SRC: variants seen among roughly 807,000 people sequenced by gnomAD.
SRC encodes proto-oncogene tyrosine-protein kinase Src.
In SRC, 13 loss-of-function variants were observed where a neutral mutation model predicts 62.9. The ratio of observed to expected loss-of-function variants is 0.21; its 90% CI spans 0.13 to 0.33. The LOEUF (loss-of-function observed/expected upper bound fraction) is 0.33, where lower values mean the gene tolerates loss of function less well. SRC is among the 10% of genes least tolerant of loss of function. SRC has a pLI of 1.00. For missense variants in SRC, 457 were observed against 737.3 expected (o/e 0.62, Z 4.40); for synonymous variants, 302 against 317.5 (o/e 0.95, Z 0.52).
intron 2 of SRC, among the ~76,000 whole-genome samples, chr20:37,369,997 A>G (rs1258427058): frequency 6.6e-6 from 1 of 152,016 alleles, no homozygotes; most frequent in Admixed American, 6.6e-5. Flanking sequence ...ATGAGATTTT[A>G]CCATGTTGGC....
Position 37,396,332 on chromosome 20 carries a change from G to C in SRC, c.703+21G>C, listed in dbSNP as rs201876107. On this transcript the variant is annotated intron_variant, in intron 8 of 13. Transcript: ENST00000373578. This position sits in a 1 kb window ranked among gnomAD's most constrained non-coding sequence, Gnocchi z 6.1. ...CTCCAGTGAGCCAGCCTCGGAGGGC[G>C]GAGGGCGGGCGGGCAAAGCCTCAGC... 1 of 1,611,634 alleles carries C rather than the reference G, an allele frequency of 6.2e-7. No individual in the cohort carries two copies. Among genetic ancestry groups the C allele is most frequent in the South Asian group, 1.1e-5 (1 of 91,060 alleles).
intron 10 of SRC, among the ~76,000 whole-genome samples, chr20:37,400,592 G>A (rs1310878674): frequency 6.6e-6 from 1 of 152,134 alleles, no homozygotes; most frequent in Non-Finnish European, 1.5e-5. Flanking sequence ...ATGTTGCCCA[G>A]GCTGGTCTCG....
intron 7 of SRC, among the ~76,000 whole-genome samples, chr20:37,395,710 G>A (rs913976504): frequency 3.3e-5 from 5 of 152,222 alleles, no homozygotes; most frequent in African/African-American, 1.2e-4. Flanking sequence ...GAGAGGGAAA[G>A]CAGTTAGGCC....
chr20:37,377,036 C>G (rs2070288800), intron 2 of SRC, among the ~76,000 whole-genome samples: 1 of 152,230 alleles, frequency 6.6e-6, no homozygotes, highest in African/African-American at 2.4e-5. Flanking sequence ...TTTAGTTTCT[C>G]TGAACCTTGA....
intron 5 of SRC, among the ~76,000 whole-genome samples, chr20:37,389,437 G>A (rs1275220661): frequency 1.3e-5 from 2 of 152,154 alleles, no homozygotes. Context: ...AGAGCCTCGG[G>A]GTCCTGCCTT....
intron 1 of SRC, among the ~76,000 whole-genome samples, chr20:37,363,079 C>T (rs2070001537): frequency 6.6e-6 from 1 of 152,220 alleles, no homozygotes; most frequent in Non-Finnish European, 1.5e-5. Flanking sequence ...ACCCCCTCCT[C>T]TGGGAAGGCC....
rs562064689 is a variant in SRC at position 37,390,388 on chromosome 20, CTTTTT to C, written c.351-3484_351-3480del. Among the ~76,000 whole-genome samples, 6 of 85,648 alleles carry C rather than the reference CTTTTT, an allele frequency of 7.0e-5. No homozygotes were observed. The South Asian group carries it at 1.1e-3, about 16-fold the overall frequency. 56.2% of individuals were successfully genotyped at this position (85,648 alleles called of 152,430 possible). Reference sequence around the variant, plus strand: ...CATGTTGTGCTGGGCTCTGATCTGGCTTTTTTTTTTTTTTTTTTTTTTTTTTTGAG... The same window carrying C: ...CATGTTGTGCTGGGCTCTGATCTGGCTTTTTTTTTTTTTTTTTTTTTTGAG... On this transcript the variant is annotated intron_variant, in intron 5 of 13. Coordinates refer to ENST00000373578, the MANE Select transcript of SRC (RefSeq NM_198291.3).
chr20:37,359,613 G>A (rs529149786), intron 1 of SRC, among the ~76,000 whole-genome samples: 22 of 152,326 alleles, frequency 1.4e-4, no homozygotes, highest in Admixed American at 2.6e-4. Flanking sequence ...AGTGCTGGTG[G>A]AACTGGAGGG....
At chr20:37,385,903 C>T (rs1160061218) in intron 4 of SRC, among the ~76,000 whole-genome samples, 172 bp from the exon 5 acceptor site, 2 of 152,262 alleles carry the variant, frequency 1.3e-5, no homozygotes, top group African/African-American at 2.4e-5. Flanking sequence ...CGCAGATACA[C>T]GGATGCAGTG....
intron 1 of SRC, among the ~76,000 whole-genome samples, chr20:37,363,993 C>T (rs537264286): frequency 3.3e-5 from 5 of 152,164 alleles, no homozygotes; most frequent in South Asian, 2.1e-4. Flanking sequence ...CCCTGCCCAC[C>T]GCCTTCCCCC....
rs374368646 is a variant in SRC, at chr20:37,384,107, C to T, written c.-4-43C>T. On this transcript the variant is annotated intron_variant, in intron 3 of 13. Transcript: ENST00000373578. The surrounding 1 kb of genome is among the most constrained non-coding windows in gnomAD (Gnocchi z 6.7). ...GGGAGGGAGGCCGGCCAAGGGGCCC[C>T]GGCAGCCCTGCCTGTTCCAGTGTCT... 157 of 1,587,264 alleles carry T rather than the reference C, an allele frequency of 9.9e-5. No individual in the cohort carries two copies. Among genetic ancestry groups the T allele is most frequent in the Middle Eastern group, 1.7e-4 (1 of 6,020 alleles).
chr20:37,400,618 G>A (rs1373378080), intron 10 of SRC, among the ~76,000 whole-genome samples: 1 of 152,118 alleles, frequency 6.6e-6, no homozygotes, highest in African/African-American at 2.4e-5. Context: ...TTGGGCTCAA[G>A]GAGTCCTCCC....
intron 1 of SRC, among the ~76,000 whole-genome samples, chr20:37,362,411 C>T (rs945970952): frequency 6.6e-6 from 1 of 152,102 alleles, no homozygotes; most frequent in Non-Finnish European, 1.5e-5. Flanking sequence ...GTGGTTAGCC[C>T]TCAGCAGGCT....
intron 10 of SRC, among the ~76,000 whole-genome samples, chr20:37,400,584 G>A (rs1011874124): frequency 1.3e-5 from 2 of 152,070 alleles, no homozygotes; most frequent in African/African-American, 2.4e-5. Flanking sequence ...GGGACCCTAT[G>A]TTGCCCAGGC....
chr20:37,386,270 T>G, intron 5 of SRC, 96 bp downstream of exon 5: 1 of 1,231,166 alleles, frequency 8.1e-7, no homozygotes, highest in Non-Finnish European at 1.2e-6. Flanking sequence ...GGCAGCACAG[T>G]GCAGAGCCCA....
rs1269626434 is a variant in SRC, at chr20:37,397,805, G to T, written c.810G>T (p.Leu270=). 2.5e-6 allele frequency: 4 copies of T among 1,612,078 alleles called. No individual in the cohort carries two copies. In the Admixed American group the frequency reaches 5.0e-5, roughly 20 times the overall value. ...CCTGGGAGATCCCTCGGGAGTCGCTGCGGCTGGAGGTCAAGCTGGGCCAGG... is the reference window on the plus strand; with the variant it reads ...CCTGGGAGATCCCTCGGGAGTCGCTTCGGCTGGAGGTCAAGCTGGGCCAGG... The part of the protein sequence containing the change: ...KDAWEIPRES[L]RLEVKLGQGC... The change falls in exon 9 of 14, where the codon CTG becomes CTT. Residue 270 remains leucine (L), a synonymous_variant. Coordinates refer to ENST00000373578, the MANE Select transcript of SRC (RefSeq NM_198291.3). This position sits in a 1 kb window ranked among gnomAD's most constrained non-coding sequence, Gnocchi z 4.1.
At chr20:37,395,286 C>T (rs1052734941) in intron 7 of SRC, among the ~76,000 whole-genome samples, 2 of 152,208 alleles carry the variant, frequency 1.3e-5, no homozygotes, top group African/African-American at 4.8e-5. Flanking sequence ...TCCTGAAGAT[C>T]GCAGAGGGGG....
At chr20:37,400,474 C>T (rs192122300) in intron 10 of SRC, among the ~76,000 whole-genome samples, 180 bp downstream of exon 10, 17 of 152,288 alleles carry the variant, frequency 1.1e-4, no homozygotes, top group African/African-American at 3.4e-4. Flanking sequence ...CAGCCTCAAC[C>T]TTCCAGGCTC....
Position 37,403,241 on chromosome 20 carries a change from C to T in SRC, c.1473C>T (p.Pro491=), listed in dbSNP as rs746753879. 19 of 1,585,124 alleles carry T rather than the reference C, an allele frequency of 1.2e-5. No homozygotes were observed. The highest frequency in any genetic ancestry group is 1.8e-4 in the Middle Eastern group (1 of 5,686). ...GGATGCCCTGCCCGCCGGAGTGTCC[C>T]GAGTCCCTGCACGACCTCATGTGCC... The part of the protein sequence containing the change: ...GYRMPCPPEC[P]ESLHDLMCQC... The change falls in exon 14 of 14, where the codon CCC becomes CCT. Residue 491 remains proline (P), a synonymous_variant. Coordinates refer to ENST00000373578, the MANE Select transcript of SRC (RefSeq NM_198291.3). The surrounding 1 kb of genome is among the most constrained non-coding windows in gnomAD (Gnocchi z 7.1).
Sources: gnomAD v4.1 joint callset for allele counts (sites outside exome capture counted in the v4.1 genomes callset) on GRCh38, gnomAD v4.1.1 for gene constraint, Gnocchi (gnomAD v3.1) non-coding constraint, MANE v1.5 for transcripts, NCBI Gene and HGNC (gene_info 2026-07-23, HGNC 2026-07-21) for gene names.